The following SSH3 variants were observed in gnomAD, a reference collection of about 807,000 sequenced individuals.
The protein encoded by SSH3 is slingshot protein phosphatase 3.
Under a neutral mutation model 75.0 loss-of-function variants are expected in SSH3, and 67 were observed. That is an observed-to-expected ratio of 0.89 (90% CI 0.73 to 1.10). The LOEUF (loss-of-function observed/expected upper bound fraction) is 1.10, where lower values mean the gene tolerates loss of function less well. SSH3 is among the 50% of genes least tolerant of loss of function. The pLI is 0.00. For missense variants in SSH3, 824 were observed against 872.7 expected (o/e 0.94, Z 0.70); for synonymous variants, 318 against 349.2 (o/e 0.91, Z 1.00).
chr11:67,311,479 T>G (rs1590889928), intron 13 of SSH3, 112 bp from the exon 14 acceptor site: 7 of 1,377,452 alleles, frequency 5.1e-6, no homozygotes, highest in Non-Finnish European at 5.0e-6. Context: ...GGCCCTCGCC[T>G]CCTCCTGGCT....
chr11:67,304,727 C>T (rs560146884), intron 2 of SSH3, 46 bp from the exon 3 acceptor site: 2 of 1,545,266 alleles, frequency 1.3e-6, no homozygotes, highest in Admixed American at 2.0e-5. Context: ...GAGCCCCTAC[C>T]CTAAGGGGAA....
In SSH3 at chr11:67,303,906, T is replaced by A. The variant is rs1017373800; in HGVS notation, c.67-212T>A. ...CGCCCGGGCTGCGGAGGCCCCGATCTGAGCGCGCCCCCCGCCACACTCGGC... is the reference window on the plus strand; with the variant it reads ...CGCCCGGGCTGCGGAGGCCCCGATCAGAGCGCGCCCCCCGCCACACTCGGC... On this transcript the variant is annotated intron_variant, in intron 1 of 13. Transcript: ENST00000308127. The A allele has an allele frequency of 2.3e-5, 18 of 768,578 alleles. No individual in the cohort carries two copies. The South Asian group carries it at 3.8e-4, about 16-fold the overall frequency. The allele number at this position is 768,578 out of a possible 1,614,324, so 47.6% of individuals were successfully genotyped here.
intron 1 of SSH3, chr11:67,303,912 C>T: frequency 1.3e-6 from 1 of 774,914 alleles, no homozygotes; most frequent in South Asian, 2.1e-5. Context: ...GATCTGAGCG[C>T]GCCCCCCGCC....
chr11:67,305,255 C>T (rs184640827), intron 3 of SSH3, among the ~76,000 whole-genome samples: 4,049 of 151,720 alleles, frequency 0.027, 88 homozygotes, highest in Non-Finnish European at 0.039. Flanking sequence ...GGCGTGATCT[C>T]GGCTCACTGC....
Position 67,303,608 on chromosome 11 carries a change from T to C in SSH3, c.-18T>C. 1.3e-6 allele frequency: 2 copies of C among 1,518,338 alleles called. No individual in the cohort carries two copies. The highest frequency in any genetic ancestry group is 1.2e-5 in the South Asian group (1 of 82,750). The allele number at this position is 1,518,338 out of a possible 1,614,324, so 94.1% of individuals were successfully genotyped here. A position where few individuals can be genotyped will look rare whatever the true frequency, so the allele number is the denominator to read the frequency against. On this transcript the variant is annotated 5_prime_UTR_variant, in exon 1 of 14. Transcript: ENST00000308127. Reference sequence around the variant, plus strand: ...GGGCCGTGCCCGGTGCCAGCCCAGGTGCTCGCGGCCTGGCTCCATGGCCCT... The same window carrying C: ...GGGCCGTGCCCGGTGCCAGCCCAGGCGCTCGCGGCCTGGCTCCATGGCCCT...
At chr11:67,304,070 G>A (rs1234461407) in intron 1 of SSH3, 48 bp from the exon 2 acceptor site, 21 of 1,541,368 alleles carry the variant, frequency 1.4e-5, no homozygotes, top group Admixed American at 2.0e-5. Context: ...GAGGGGAGGG[G>A]ACAGCCCTCC....
Position 67,309,400 on chromosome 11 carries a change from C to T in SSH3, c.1065C>T (p.Val355=), listed in dbSNP as rs763508735. 2 of 1,614,104 alleles carry T rather than the reference C, an allele frequency of 1.2e-6. No homozygotes were observed. Among genetic ancestry groups the T allele is most frequent in the Middle Eastern group, 1.6e-4 (1 of 6,084 alleles). Reference sequence around the variant, plus strand: ...GGCCTTGGGCCCTCTGGGACAGGGTCACCCACATCTTGAACATGGCCCGGG... The same window carrying T: ...GGCCTTGGGCCCTCTGGGACAGGGTTACCCACATCTTGAACATGGCCCGGG... The part of the protein sequence containing the change: ...ANLEELQRNR[V]THILNMAREI... The change falls in exon 11 of 14, where the codon GTC becomes GTT. Residue 355 remains valine (V), a synonymous_variant. Coordinates refer to ENST00000308127, the MANE Select transcript of SSH3 (RefSeq NM_017857.4).
intron 2 of SSH3, 124 bp from the exon 3 acceptor site, chr11:67,304,648 AC>A: frequency 1.0e-6 from 1 of 954,744 alleles, no homozygotes; most frequent in African/African-American, 1.6e-5. Flanking sequence ...AGACCTATCG[AC>A]CGCGTGGGGG....
chr11:67,305,057 A>C, intron 3 of SSH3, 50 bp downstream of exon 3: 2 of 1,540,826 alleles, frequency 1.3e-6, no homozygotes. Context: ...GACACGCCTG[A>C]GGGCAGAATG....
At chr11:67,304,483 G>A (rs902230176) in intron 2 of SSH3, among the ~76,000 whole-genome samples, 3 of 152,344 alleles carry the variant, frequency 2.0e-5, no homozygotes, top group Admixed American at 2.0e-4. Flanking sequence ...CAGCACTTGA[G>A]TTAAACAGGT....
At position 67,311,792 on chromosome 11, in the gene SSH3, G is replaced by T. The variant is rs767244033; in HGVS notation, c.1885G>T (p.Gly629Trp). The T allele has an allele frequency of 2.5e-6, 4 of 1,613,612 alleles. No homozygotes were observed. In the Admixed American group the frequency reaches 6.7e-5, roughly 27 times the overall value. The change falls in exon 14 of 14, where the codon GGG becomes TGG. Residue 629 changes from glycine to tryptophan, a missense_variant. Transcript: ENST00000308127. ...FQEQEQGQGQ[G>W]QGEPCISSTP... ...GGAGCAGGAGCAGGGGCAGGGGCAG[G>T]GGCAGGGAGAGCCCTGCATTTCCTC...
Position 67,304,816 on chromosome 11 carries a change from G to T in SSH3, c.148G>T (p.Asp50Tyr). 6.2e-7 allele frequency: 1 copy of T among 1,612,802 alleles called. No homozygotes were observed. The highest frequency in any genetic ancestry group is 1.3e-5 in the African/African-American group (1 of 75,042). The change falls in exon 3 of 14, where the codon GAT (aspartate) becomes TAT (tyrosine). Residue 50 changes from aspartate (D) to tyrosine (Y), a missense_variant. Coordinates refer to ENST00000308127, the MANE Select transcript of SSH3 (RefSeq NM_017857.4). Reference sequence around the variant, plus strand: ...CCGTGGGGCTGTCCTGGGACTGCAGGATGGAGGGGACAATGATGATGCAGC... The same window carrying T: ...CCGTGGGGCTGTCCTGGGACTGCAGTATGGAGGGGACAATGATGATGCAGC... Reference protein sequence around the residue: ...VLRGAVLGLQDGGDNDDAAEA... With the variant: ...VLRGAVLGLQYGGDNDDAAEA...
chr11:67,309,880 C>T lies in SSH3; in HGVS notation c.1321C>T (p.Arg441Cys), dbSNP rs764926762. 17 of 1,612,434 alleles carry T rather than the reference C, an allele frequency of 1.1e-5. No individual in the cohort carries two copies. Among genetic ancestry groups the T allele is most frequent in the African/African-American group, 1.3e-5 (1 of 75,076 alleles). Residue 441 changes from arginine to cysteine, a missense_variant, in exon 12 of 14, where the codon CGC (arginine) becomes TGC (cysteine). Physicochemically the swap from Arg to Cys is radical, Grantham distance 180. Transcript: ENST00000308127. ...QYECSLEQALRHVQELRPIAR... is the reference protein window; with the variant it reads ...QYECSLEQALCHVQELRPIAR... ...CGAATGCAGCCTGGAGCAGGCCCTG[C>T]GCCACGTGCAGGAGCTCCGGCCCAT...
At chr11:67,309,356 C>T in intron 10 of SSH3, 41 bp from the exon 11 acceptor site, 2 of 1,612,460 alleles carry the variant, frequency 1.2e-6, no homozygotes, top group South Asian at 2.2e-5. Flanking sequence ...GGGCCTGGTA[C>T]CTCTGCCCAC....
chr11:67,304,423 G>A lies in SSH3; in HGVS notation c.104+268G>A, dbSNP rs1861170329. Among the ~76,000 whole-genome samples, 3 of 152,366 alleles carry A rather than the reference G, an allele frequency of 2.0e-5. No individual in the cohort carries two copies. The South Asian group carries it at 6.2e-4, about 32-fold the overall frequency. ...GGTGGTGGCCACGGGCCGAACGGCA[G>A]GAGGGCATGATGGGCCTGAGGACTC... On this transcript the variant is annotated intron_variant, in intron 2 of 13. Coordinates refer to ENST00000308127, the MANE Select transcript of SSH3 (RefSeq NM_017857.4).
Position 67,307,729 on chromosome 11 carries a change from G to T in SSH3, c.783G>T (p.Glu261Asp), listed in dbSNP as rs1358911436. 3 of 1,613,930 alleles carry T rather than the reference G, an allele frequency of 1.9e-6. No homozygotes were observed. Among genetic ancestry groups the T allele is most frequent in the African/African-American group, 2.7e-5 (2 of 75,074 alleles). ...AGTCTCTGCGGCCTCCCAGCGCCGA[G>T]CCTGGCGGGTCAGTGTGTGGAGGGG... is the stretch of plus-strand genomic sequence containing the variant. The part of the protein sequence containing the change: ...DLESLRPPSA[E>D]PGGSSEQEQM... Residue 261 changes from glutamate to aspartate, a missense_variant, in exon 7 of 14, where the codon GAG becomes GAT. Physicochemically the swap from Glu to Asp is conservative, Grantham distance 45 (BLOSUM62 2). Transcript: ENST00000308127. This position sits in a 1 kb window ranked among gnomAD's most constrained non-coding sequence, Gnocchi z 4.2.
At chr11:67,309,142 G>T in intron 10 of SSH3, 1 of 519,344 alleles carries the variant, frequency 1.9e-6, no homozygotes, top group Non-Finnish European at 3.5e-6. Context: ...TCATTTCTGA[G>T]AATAACTGAA....
rs1456978513 is a variant in SSH3 at position 67,306,951 on chromosome 11, C to T, written c.453C>T (p.Phe151=). ...QDETVLLGVD[F]PDSSSPSCTL... ...AGACGGTCCTCCTGGGCGTGGATTT[C>T]CCTGACAGCAGGTTCGAGCAGGGAG... The change falls in exon 4 of 14, where the codon TTC becomes TTT. Residue 151 remains phenylalanine, a synonymous_variant. Coordinates refer to ENST00000308127, the MANE Select transcript of SSH3 (RefSeq NM_017857.4). The T allele has an allele frequency of 6.2e-7, 1 of 1,612,634 alleles. No homozygotes were observed. The highest frequency in any genetic ancestry group is 8.5e-7 in the Non-Finnish European group (1 of 1,178,846).
At chr11:67,311,560 C>A in intron 13 of SSH3, 31 bp from the exon 14 acceptor site, 1 of 1,611,450 alleles carries the variant, frequency 6.2e-7, no homozygotes, top group Non-Finnish European at 8.5e-7. Flanking sequence ...GAAAGGCCTC[C>A]CATGGCTTCC....
Sources: gnomAD v4.1 joint callset for allele counts (sites outside exome capture counted in the v4.1 genomes callset) on GRCh38, gnomAD v4.1.1 for gene constraint, Gnocchi (gnomAD v3.1) non-coding constraint, MANE v1.5 for transcripts, NCBI Gene and HGNC (gene_info 2026-07-23, HGNC 2026-07-21) for gene names.